Variants in MGST1 observed in about 807,000 individuals in gnomAD.
The protein encoded by MGST1 is glutathione S-transferase 12.
A neutral mutation model predicts 8.9 loss-of-function variants in MGST1; 5 were observed. The observed-to-expected ratio is 0.56, with a 90% CI of 0.29 to 1.19. The LOEUF is 1.19. Among genes scored for constraint, MGST1 ranks in the 50% most tolerant of loss-of-function variants. The pLI is 0.08. For synonymous variants in MGST1, 54 were observed against 67.8 expected (o/e 0.80, Z 1.00); for missense variants, 182 against 187.4 (o/e 0.97, Z 0.17).
intron 4 of MGST1, among the ~76,000 whole-genome samples, chr12:16,561,912 AAAGT>A (rs1260280036): frequency 6.6e-6 from 1 of 152,232 alleles, no homozygotes; most frequent in East Asian, 1.9e-4. Context: ...CACTTGATAA[AAAGT>A]AAGCGAAGTT....
At chr12:16,440,051 T>A (rs1045385752), downstream of MGST1, among the ~76,000 whole-genome samples, 19 of 151,820 alleles carry the variant, frequency 1.3e-4, no homozygotes, top group Non-Finnish European at 2.8e-4. Flanking sequence ...GGTGTGATGT[T>A]CTAACTTTCC....
At chr12:16,521,463 AG>A (rs1941648001) in intron 4 of MGST1, among the ~76,000 whole-genome samples, 1 of 152,124 alleles carries the variant, frequency 6.6e-6, no homozygotes, top group Non-Finnish European at 1.5e-5. Flanking sequence ...GACCTTATTT[AG>A]AGGCAGACAA....
intron 1 of MGST1, among the ~76,000 whole-genome samples, chr12:16,416,273 T>C (rs1435055099): frequency 6.6e-6 from 1 of 152,208 alleles, no homozygotes; most frequent in Non-Finnish European, 1.5e-5. Flanking sequence ...AAGCTTGTTA[T>C]TTTAATGATG....
chr12:16,454,615 T>C (rs1941155235), intron 4 of MGST1, among the ~76,000 whole-genome samples: 1 of 151,876 alleles, frequency 6.6e-6, no homozygotes, highest in Admixed American at 6.6e-5. Context: ...GAAAGTCTTT[T>C]TTCCTTTCAA....
rs1942325665 is a variant in MGST1 at position 16,559,844 on chromosome 12, C to G, written n.483-29684C>G. On this transcript the variant is annotated intron_variant and non_coding_transcript_variant, in intron 4 of 4. Transcript: ENST00000538857. This position sits in a 1 kb window ranked among gnomAD's most constrained non-coding sequence, Gnocchi z 4.1. ...AGGCATGGGAGTGCACACCTGTACT[C>G]CCAGCTACTCGGGAGGCTGAGGCAG... Among the ~76,000 whole-genome samples the G allele has an allele frequency of 6.6e-6, 1 of 151,638 alleles. No individual in the cohort carries two copies. The highest frequency in any genetic ancestry group is 2.4e-5 in the African/African-American group (1 of 41,302).
intron 1 of MGST1, among the ~76,000 whole-genome samples, chr12:16,423,261 C>T (rs754300010): frequency 6.8e-4 from 104 of 152,172 alleles, no homozygotes; most frequent in Admixed American, 2.2e-3. Context: ...CCCACGTCCT[C>T]AACTATTAAT....
At chr12:16,349,266 A>T (rs1939345620) in intron 1 of MGST1, among the ~76,000 whole-genome samples, 1 of 152,190 alleles carries the variant, frequency 6.6e-6, no homozygotes, top group African/African-American at 2.4e-5. Context: ...TGGCCACCTC[A>T]TCCTGAGAAG....
intron 3 of MGST1, among the ~76,000 whole-genome samples, chr12:16,372,935 T>C (rs1008104607): frequency 1.4e-5 from 2 of 142,644 alleles, no homozygotes; most frequent in Non-Finnish European, 3.0e-5. Context: ...ATATTGTATA[T>C]TTTATATTAT....
intron 4 of MGST1, among the ~76,000 whole-genome samples, chr12:16,562,732 G>A (rs182889349): frequency 2.0e-5 from 3 of 152,314 alleles, no homozygotes; most frequent in Admixed American, 2.0e-4. Context: ...CCAGGCCCAG[G>A]AAAATCTATG....
intron 4 of MGST1, among the ~76,000 whole-genome samples, chr12:16,575,817 A>G (rs1006497919): frequency 9.4e-4 from 1 of 1,060 alleles, no homozygotes; most frequent in Non-Finnish European, 7.7e-3. Context: ...ATAAAGCTAA[A>G]TTCTTCACTT....
At position 16,363,697 on chromosome 12, in the gene MGST1, C is replaced by A; in HGVS notation, c.222-98C>A. On this transcript the variant is annotated intron_variant, in intron 3 of 3. Transcript: ENST00000396210. The surrounding 1 kb of genome is among the most constrained non-coding windows in gnomAD (Gnocchi z 4.6). Reference sequence around the variant, plus strand: ...AAATCTTACTTTGAAATTTAAGGATCCATTAGTGCTCAGATTTAGTTTTTA... The same window carrying A: ...AAATCTTACTTTGAAATTTAAGGATACATTAGTGCTCAGATTTAGTTTTTA... 2.0e-6 allele frequency: 2 copies of A among 986,844 alleles called. No homozygotes were observed. Among genetic ancestry groups the A allele is most frequent in the Admixed American group, 2.7e-5 (1 of 36,810 alleles). The allele number at this position is 986,844 out of a possible 1,614,324, so 61.1% of individuals were successfully genotyped here.
chr12:16,402,605 T>A (rs1940667187), intron 1 of MGST1, among the ~76,000 whole-genome samples: 1 of 152,198 alleles, frequency 6.6e-6, no homozygotes, highest in African/African-American at 2.4e-5. Flanking sequence ...ATTGTTGTGT[T>A]ATATAAGTGC....
chr12:16,573,987 C>A (rs945514532), intron 4 of MGST1: 2 of 152,206 alleles, frequency 1.3e-5, no homozygotes, highest in African/African-American at 4.8e-5. Context: ...CCGTGCCCCT[C>A]AGAGCATTAC....
At chr12:16,405,449 A>G (rs1940691740) in intron 1 of MGST1, among the ~76,000 whole-genome samples, 1 of 152,148 alleles carries the variant, frequency 6.6e-6, no homozygotes, top group Non-Finnish European at 1.5e-5. Flanking sequence ...AAAAAAGCCC[A>G]GGACTAGAAG....
intron 4 of MGST1, among the ~76,000 whole-genome samples, chr12:16,484,424 A>G (rs928262452): frequency 2.6e-5 from 4 of 151,896 alleles, no homozygotes; most frequent in Admixed American, 1.3e-4. Flanking sequence ...TTGTTTGTTT[A>G]TTTTTTTACT....
intron 3 of MGST1, among the ~76,000 whole-genome samples, chr12:16,358,961 A>G (rs1391045867): frequency 2.6e-5 from 4 of 151,776 alleles, no homozygotes; most frequent in Non-Finnish European, 5.9e-5. Flanking sequence ...ATGGCATATC[A>G]TCTCCAGGTT....
chr12:16,560,672 C>T lies in MGST1; in HGVS notation n.483-28856C>T. ...TATGATGTACACAAGTGGATTTTATCCTAGGTGTATGCATAAATATTCTTC... is the reference window on the plus strand; with the variant it reads ...TATGATGTACACAAGTGGATTTTATTCTAGGTGTATGCATAAATATTCTTC... On this transcript the variant is annotated intron_variant and non_coding_transcript_variant, in intron 4 of 4. Coordinates refer to the MGST1 transcript ENST00000538857. This position sits in a 1 kb window ranked among gnomAD's most constrained non-coding sequence, Gnocchi z 5.0. 2.6e-6 allele frequency: 2 copies of T among 769,818 alleles called. No homozygotes were observed. Among genetic ancestry groups the T allele is most frequent in the South Asian group, 3.6e-5 (2 of 55,186 alleles). 47.7% of individuals were successfully genotyped at this position (769,818 alleles called of 1,614,324 possible).
At chr12:16,402,288 A>G in intron 1 of MGST1, 4 of 1,592,022 alleles carry the variant, frequency 2.5e-6, no homozygotes, top group Non-Finnish European at 3.4e-6. Flanking sequence ...TTTGGAATAA[A>G]CAATTTCTTC....
At chr12:16,425,105 G>A (rs1427577028) in intron 1 of MGST1, among the ~76,000 whole-genome samples, 2 of 152,028 alleles carry the variant, frequency 1.3e-5, no homozygotes, top group Non-Finnish European at 2.9e-5. Context: ...TGGAACCCAG[G>A]GTTAGAATGA....
Sources: allele counts gnomAD v4.1 joint callset (sites outside exome capture counted in the v4.1 genomes callset), GRCh38; gene constraint gnomAD v4.1.1; non-coding constraint Gnocchi (gnomAD v3.1); transcripts MANE v1.5; gene names NCBI Gene and HGNC (gene_info 2026-07-23, HGNC 2026-07-21).